Variants in EYA4 observed in about 807,000 individuals in gnomAD.
EYA4 encodes protein phosphatase EYA4.
Under a neutral mutation model 87.9 loss-of-function variants are expected in EYA4, and 31 were observed. The observed-to-expected ratio is 0.35, with a 90% CI of 0.27 to 0.48. The LOEUF is 0.48. Ranked by LOEUF, EYA4 falls within the 20% of genes least tolerant of loss-of-function variation. The probability of loss-of-function intolerance (pLI) is 0.99; values close to 1 mark genes in which losing one functional copy is unlikely to be tolerated. For synonymous variants in EYA4, 263 were observed against 270.6 expected (o/e 0.97, Z 0.28); for missense variants, 678 against 761.4 (o/e 0.89, Z 1.29).
At chr6:133,338,087 T>A (rs1397363694) in intron 2 of EYA4, among the ~76,000 whole-genome samples, 5 of 152,196 alleles carry the variant, frequency 3.3e-5, no homozygotes, top group Non-Finnish European at 4.4e-5. Flanking sequence ...AAAAGAACAT[T>A]CATTCTTTGT....
intron 3 of EYA4, among the ~76,000 whole-genome samples, chr6:133,424,514 C>G (rs1011595012): frequency 3.9e-5 from 6 of 152,258 alleles, no homozygotes; most frequent in Middle Eastern, 3.4e-3. Flanking sequence ...CAAACACCCC[C>G]CCCCCAGCCT....
At chr6:133,343,299 T>C (rs2765783) in intron 2 of EYA4, among the ~76,000 whole-genome samples, 3 of 152,044 alleles carry the variant, frequency 2.0e-5, no homozygotes, top group South Asian at 4.1e-4. Flanking sequence ...GTGACCTTTC[T>C]TTTACTTTAG....
At chr6:133,414,295 T>G (rs1305791276) in intron 3 of EYA4, among the ~76,000 whole-genome samples, 2 of 152,066 alleles carry the variant, frequency 1.3e-5, no homozygotes, top group African/African-American at 2.4e-5. Flanking sequence ...CTGTTTAGAT[T>G]TCGAAAAAAA....
rs141300030 is a variant in EYA4, at chr6:133,512,768, G to A, written c.1329G>A (p.Gly443=). The part of the protein sequence containing the change: ...HIDDVSSDDN[G]QDLSTYSFAT... ...ATGATGTTTCCTCTGATGATAATGG[G>A]CAGGACTTAAGGTAAGCTATGCCTT... Residue 443 remains glycine, a synonymous_variant, in exon 15 of 20, where the codon GGG becomes GGA. Coordinates refer to ENST00000355286, the MANE Select transcript of EYA4 (RefSeq NM_004100.5). 171 of 1,613,358 alleles carry A rather than the reference G, an allele frequency of 1.1e-4. No individual in the cohort carries two copies. In the African/African-American group the frequency reaches 1.9e-3, roughly 17 times the overall value.
chr6:133,251,856 G>T (rs571712689), intron 1 of EYA4, among the ~76,000 whole-genome samples: 19 of 152,264 alleles, frequency 1.2e-4, no homozygotes, highest in African/African-American at 4.6e-4. Flanking sequence ...TGCATAAGAG[G>T]ATTGTTCTAT....
intron 3 of EYA4, among the ~76,000 whole-genome samples, chr6:133,417,401 A>G (rs2128553805): frequency 6.6e-6 from 1 of 152,262 alleles, no homozygotes; most frequent in African/African-American, 2.4e-5. Flanking sequence ...AGTTTAGAAG[A>G]TACTGTCGTG....
At chr6:133,454,606 C>T (rs1793750738) in intron 5 of EYA4, among the ~76,000 whole-genome samples, 2 of 152,062 alleles carry the variant, frequency 1.3e-5, no homozygotes, top group Non-Finnish European at 2.9e-5. Context: ...AGGAGTAAAT[C>T]AGTAGGTGTA....
At chr6:133,362,194 A>G (rs1014767950) in intron 2 of EYA4, among the ~76,000 whole-genome samples, 7 of 152,152 alleles carry the variant, frequency 4.6e-5, no homozygotes, top group Admixed American at 3.9e-4. Flanking sequence ...CCTGTAGACT[A>G]TCACACCAAC....
chr6:133,453,506 T>C (rs1583319886), intron 5 of EYA4: 1 of 152,096 alleles, frequency 6.6e-6, no homozygotes, highest in African/African-American at 2.4e-5. Flanking sequence ...TATTCACTTC[T>C]CTATTTGAGC....
intron 2 of EYA4, among the ~76,000 whole-genome samples, chr6:133,333,187 C>T (rs988520453): frequency 6.6e-6 from 1 of 152,142 alleles, no homozygotes; most frequent in African/African-American, 2.4e-5. Context: ...GACTGTAAGC[C>T]TTGAGAAGGC....
In EYA4 at chr6:133,443,997, T is replaced by A. The variant is rs1792557129; in HGVS notation, c.84-2633T>A. Among the ~76,000 whole-genome samples, 4 of 152,196 alleles carry A rather than the reference T, an allele frequency of 2.6e-5. No individual in the cohort carries two copies. In the South Asian group the frequency reaches 8.3e-4, roughly 32 times the overall value. Reference sequence around the variant, plus strand: ...GCACTTGAAAATAGTGTGCATTTTATAATTATTGGGTATTAGTGTCCTGGA... The same window carrying A: ...GCACTTGAAAATAGTGTGCATTTTAAAATTATTGGGTATTAGTGTCCTGGA... On this transcript the variant is annotated intron_variant, in intron 3 of 19. Transcript: ENST00000355286.
intron 3 of EYA4, among the ~76,000 whole-genome samples, chr6:133,404,675 A>G (rs1443390839): frequency 2.6e-5 from 4 of 152,218 alleles, no homozygotes; most frequent in African/African-American, 9.6e-5. Context: ...TTCTAACACA[A>G]AACATTTGAG....
chr6:133,290,796 A>C (rs1409607955), intron 2 of EYA4, among the ~76,000 whole-genome samples: 1 of 152,170 alleles, frequency 6.6e-6, no homozygotes, highest in African/African-American at 2.4e-5. Flanking sequence ...ATTAACAACA[A>C]CACTTTGTTT....
chr6:133,373,600 T>TA (rs1275938486), intron 2 of EYA4, among the ~76,000 whole-genome samples: 1 of 152,094 alleles, frequency 6.6e-6, no homozygotes, highest in African/African-American at 2.4e-5. Context: ...TTATGATCAT[T>TA]AAGTGATAAT....
intron 6 of EYA4, 82 bp from the exon 7 acceptor site, chr6:133,461,032 T>A (rs1051539789): frequency 1.1e-6 from 1 of 916,768 alleles, no homozygotes; most frequent in Non-Finnish European, 1.8e-6. Flanking sequence ...ACATGGTAAT[T>A]TCTTCAAATT....
In EYA4 at chr6:133,369,279, CATT is replaced by C. The variant is rs1181648819; in HGVS notation, c.34-13111_34-13109del. ...TTATTATCTGATTTTATTATCTAAT[CATT>C]AAGATTACTCACATTATCCTTATCT... is the stretch of plus-strand genomic sequence containing the variant. On this transcript the variant is annotated intron_variant, in intron 2 of 19. Transcript: ENST00000355286. 2.0e-5 allele frequency among the ~76,000 whole-genome samples: 3 copies of C among 152,134 alleles called. No homozygotes were observed. The East Asian group carries it at 5.8e-4, about 29-fold the overall frequency.
chr6:133,336,611 T>C (rs1430938682), intron 2 of EYA4, among the ~76,000 whole-genome samples: 1 of 152,208 alleles, frequency 6.6e-6, no homozygotes, highest in Non-Finnish European at 1.5e-5. Context: ...ATTTTGGTTT[T>C]AGAAAGCTAT....
At chr6:133,457,006 C>G (rs1489675012) in intron 6 of EYA4, among the ~76,000 whole-genome samples, 1 of 152,090 alleles carries the variant, frequency 6.6e-6, no homozygotes, top group Non-Finnish European at 1.5e-5. Flanking sequence ...TACATAAAAA[C>G]TGCCTTCTGT....
At chr6:133,527,593 G>C (rs938559445) in intron 19 of EYA4, among the ~76,000 whole-genome samples, 1 of 151,786 alleles carries the variant, frequency 6.6e-6, no homozygotes, top group African/African-American at 2.4e-5. Flanking sequence ...ATTCTTTTTT[G>C]TTTGTTTGTT....
Sources: allele counts gnomAD v4.1 joint callset (sites outside exome capture counted in the v4.1 genomes callset), GRCh38; gene constraint gnomAD v4.1.1; transcripts MANE v1.5; gene names NCBI Gene and HGNC (gene_info 2026-07-23, HGNC 2026-07-21).